BACH2: variants seen among roughly 807,000 people sequenced by gnomAD.
The protein encoded by BACH2 is transcription regulator protein BACH2.
BACH2 carries 5 observed loss-of-function variants against 61.8 expected under a neutral mutation model. The ratio of observed to expected loss-of-function variants is 0.08; its 90% confidence interval spans 0.04 to 0.17. BACH2 has a LOEUF of 0.17. Among genes scored for constraint, BACH2 ranks in the 10% least tolerant of loss-of-function variants. The pLI is 1.00. For synonymous variants in BACH2, 446 were observed against 440.1 expected (o/e 1.01, Z -0.17); for missense variants, 824 against 1,091.1 (o/e 0.76, Z 3.45).
Position 90,296,784 on chromosome 6 carries a change from CGCTGCTGCCGCT to C in BACH2, c.-762_-751del, listed in dbSNP as rs1562549383. 1.2e-5 allele frequency: 2 copies of C among 172,314 alleles called. No individual in the cohort carries two copies. The highest frequency in any genetic ancestry group is 2.4e-5 in the Non-Finnish European group (2 of 84,654). 10.7% of individuals were successfully genotyped at this position (172,314 alleles called of 1,614,324 possible). A position where few individuals can be genotyped will look rare whatever the true frequency, so the allele number is the denominator to read the frequency against. The stretch of plus-strand genomic sequence containing the variant: ...CGACCGCAGCCCGGGCGTGCACGGC[CGCTGCTGCCGCT>C]GCTGCTGCTGCTGCTGCTGCTGAGG... On this transcript the variant is annotated 5_prime_UTR_variant, in exon 1 of 9. Coordinates refer to ENST00000257749, the MANE Select transcript of BACH2 (RefSeq NM_021813.4).
At position 89,927,801 on chromosome 6, in the gene BACH2, C is replaced by T. The variant is rs1400705613; in HGVS notation, c.*4607G>A. ...TTTGCAAGTAATGTTTTTGCACCGT[C>T]AGTTGAATAATTTATGCTCAATCTG... On this transcript the variant is annotated 3_prime_UTR_variant, in exon 9 of 9. Coordinates refer to ENST00000257749, the MANE Select transcript of BACH2 (RefSeq NM_021813.4). 1 of 152,762 alleles carries T rather than the reference C, an allele frequency of 6.5e-6. No homozygotes were observed. The highest frequency in any genetic ancestry group is 2.4e-5 in the African/African-American group (1 of 41,442). The allele number at this position is 152,762 out of a possible 1,614,324, so 9.5% of individuals were successfully genotyped here.
At chr6:90,151,774 TG>T (rs1271456894) in intron 4 of BACH2, among the ~76,000 whole-genome samples, 1 of 152,242 alleles carries the variant, frequency 6.6e-6, no homozygotes, top group Non-Finnish European at 1.5e-5. Context: ...AACTTCCTTA[TG>T]GCTTTTCAGT....
At chr6:90,001,892 C>A (rs1248799131) in intron 6 of BACH2, among the ~76,000 whole-genome samples, 2 of 152,176 alleles carry the variant, frequency 1.3e-5, no homozygotes, top group African/African-American at 2.4e-5. Flanking sequence ...AAATAAAAAA[C>A]CAAATGAAAC....
At position 90,225,481 on chromosome 6, in the gene BACH2, G is replaced by A. The variant is rs547381616; in HGVS notation, c.-274-18800C>T. 2.0e-4 allele frequency among the ~76,000 whole-genome samples: 30 copies of A among 152,240 alleles called. No individual in the cohort carries two copies. In the East Asian group the frequency reaches 3.7e-3, roughly 19 times the overall value. ...ATCACAAATAAGAAACTTGTTGTAA[G>A]GTAACAGGTGACAGGTGCACTGAAA... is the stretch of plus-strand genomic sequence containing the variant. On this transcript the variant is annotated intron_variant, in intron 3 of 8. Transcript: ENST00000257749.
Position 90,131,565 on chromosome 6 carries a change from C to T in BACH2, c.-161-42456G>A, listed in dbSNP as rs570105278. 2.1e-4 allele frequency among the ~76,000 whole-genome samples: 32 copies of T among 152,310 alleles called. No individual in the cohort carries two copies. The South Asian group carries it at 6.4e-3, about 31-fold the overall frequency. ...GATAGGCAAGCTCCAGAAGGACAGA[C>T]TGTGGTCATTAACGTAACCCTTTAT... On this transcript the variant is annotated intron_variant, in intron 4 of 8. Coordinates refer to ENST00000257749, the MANE Select transcript of BACH2 (RefSeq NM_021813.4).
chr6:90,225,240 G>A (rs990822211), intron 3 of BACH2, among the ~76,000 whole-genome samples: 10 of 152,120 alleles, frequency 6.6e-5, no homozygotes, highest in African/African-American at 2.2e-4. Context: ...AATTAGCTGG[G>A]CATGGTGGTG....
At chr6:90,146,692 C>G (rs961618999) in intron 4 of BACH2, among the ~76,000 whole-genome samples, 1 of 152,184 alleles carries the variant, frequency 6.6e-6, no homozygotes, top group African/African-American at 2.4e-5. Context: ...TACATTAATA[C>G]TTCTAGGTAA....
chr6:90,235,867 G>A (rs962908286), intron 3 of BACH2, among the ~76,000 whole-genome samples: 22 of 152,150 alleles, frequency 1.4e-4, no homozygotes, highest in African/African-American at 5.3e-4. Context: ...GTGCTGCCTG[G>A]CCTTCCTCTT....
intron 1 of BACH2, among the ~76,000 whole-genome samples, chr6:90,287,902 G>A (rs951019130): frequency 2.6e-5 from 4 of 152,126 alleles, no homozygotes; most frequent in African/African-American, 9.7e-5. Context: ...GTTTTGGAAG[G>A]GAAGGACAAG....
chr6:90,238,092 T>C (rs1422154167), intron 3 of BACH2, among the ~76,000 whole-genome samples: 1 of 152,244 alleles, frequency 6.6e-6, no homozygotes, highest in Non-Finnish European at 1.5e-5. Flanking sequence ...TATAAAACAA[T>C]AGGCTTGTCC....
intron 7 of BACH2, among the ~76,000 whole-genome samples, chr6:89,947,801 G>C (rs986701434): frequency 6.6e-6 from 1 of 151,844 alleles, no homozygotes; most frequent in Non-Finnish European, 1.5e-5. Context: ...TCGATCTCCC[G>C]ACCTTGTGAT....
rs116014535 is a variant in BACH2 at position 90,046,183 on chromosome 6, C to T, written c.-12-37327G>A. On this transcript the variant is annotated intron_variant, in intron 5 of 8. Transcript: ENST00000257749. Reference sequence around the variant, plus strand: ...CTCTGGATACGTTGACATGGATGAACGAAAACACACTCAAAAAAGAGCAAA... The same window carrying T: ...CTCTGGATACGTTGACATGGATGAATGAAAACACACTCAAAAAAGAGCAAA... Among the ~76,000 whole-genome samples the T allele has an allele frequency of 6.9e-3, 1,045 of 152,152 alleles. 10 individuals carry two copies. Among genetic ancestry groups the T allele is most frequent in the African/African-American group, 0.023 (956 of 41,500 alleles).
At chr6:90,178,988 A>G (rs768067760) in intron 4 of BACH2, among the ~76,000 whole-genome samples, 5 of 152,182 alleles carry the variant, frequency 3.3e-5, no homozygotes, top group Admixed American at 6.5e-5. Context: ...TACATTTTTT[A>G]TGACTCGTTA....
intron 4 of BACH2, among the ~76,000 whole-genome samples, chr6:90,187,387 T>G (rs1201143439): frequency 6.6e-6 from 1 of 152,246 alleles, no homozygotes; most frequent in Non-Finnish European, 1.5e-5. Context: ...TTAGTTTAAT[T>G]GTCTTGTTTA....
intron 3 of BACH2, among the ~76,000 whole-genome samples, chr6:90,244,114 G>A (rs530711802): frequency 3.9e-5 from 6 of 152,114 alleles, no homozygotes; most frequent in Admixed American, 3.9e-4. Context: ...TAGGGACAGG[G>A]TTTCACCATG....
At chr6:90,110,807 A>C (rs890580301) in intron 4 of BACH2, among the ~76,000 whole-genome samples, 2 of 152,198 alleles carry the variant, frequency 1.3e-5, no homozygotes, top group African/African-American at 2.4e-5. Flanking sequence ...CTTGCGACTC[A>C]AACAACTGCA....
chr6:90,266,544 T>C (rs962256961), intron 2 of BACH2, among the ~76,000 whole-genome samples: 1 of 152,164 alleles, frequency 6.6e-6, no homozygotes, highest in Non-Finnish European at 1.5e-5. Flanking sequence ...TTGTATATTG[T>C]AGCATACAAT....
At chr6:90,223,895 G>A (rs547722777) in intron 3 of BACH2, among the ~76,000 whole-genome samples, 1 of 152,246 alleles carries the variant, frequency 6.6e-6, no homozygotes, top group Admixed American at 6.5e-5. Flanking sequence ...CTGAATCTCT[G>A]CTCTCAAAAC....
chr6:90,035,629 G>A (rs79794076), intron 5 of BACH2, among the ~76,000 whole-genome samples: 35 of 152,022 alleles, frequency 2.3e-4, no homozygotes, highest in Admixed American at 8.5e-4. Flanking sequence ...TGTTGGGACC[G>A]GGGGTTCCTC....
Sources: gnomAD v4.1 joint callset for allele counts (sites outside exome capture counted in the v4.1 genomes callset) on GRCh38, gnomAD v4.1.1 for gene constraint, MANE v1.5 for transcripts, NCBI Gene and HGNC (gene_info 2026-07-23, HGNC 2026-07-21) for gene names.